Variants in LRP2 observed in about 807,000 individuals in gnomAD.
LRP2 encodes low-density lipoprotein receptor-related protein 2.
A neutral mutation model predicts 531.0 loss-of-function variants in LRP2; 172 were observed. The ratio of observed to expected loss-of-function variants is 0.32; its 90% confidence interval spans 0.29 to 0.37. The LOEUF (loss-of-function observed/expected upper bound fraction) is 0.37, where lower values mean the gene tolerates loss of function less well. Ranked by LOEUF, LRP2 falls within the 10% of genes least tolerant of loss-of-function variation. The pLI is 1.00. For synonymous variants in LRP2, 1,992 were observed against 2,027.6 expected, an observed-to-expected ratio of 0.98 and a Z score of 0.47; for missense variants, 5,167 against 5,868.3, an observed-to-expected ratio of 0.88 and a Z score of 3.90.
At chr2:169,344,011 A>G (rs909328283) in intron 1 of LRP2, among the ~76,000 whole-genome samples, 5 of 152,252 alleles carry the variant, frequency 3.3e-5, no homozygotes, top group Non-Finnish European at 7.3e-5. Context: ...TGAAGAAACC[A>G]TAAATAAACC....
Position 169,142,799 on chromosome 2 carries a change from A to G in LRP2, c.12989-6T>C. 6.2e-7 allele frequency: 1 copy of G among 1,613,832 alleles called. No individual in the cohort carries two copies. Among genetic ancestry groups the G allele is most frequent in the Non-Finnish European group, 8.5e-7 (1 of 1,179,774 alleles). On this transcript the variant is annotated splice_polypyrimidine_tract_variant and splice_region_variant and intron_variant, in intron 70 of 78. Coordinates refer to ENST00000649046, the MANE Select transcript of LRP2 (RefSeq NM_004525.3). ...CTGTTTGCAAAGGTTGGGCACTGGA[A>G]AGCGGGTGAGAACAGCAGTTAGGTC... is the stretch of plus-strand genomic sequence containing the variant.
At chr2:169,308,722 C>A (rs188157280) in intron 3 of LRP2, among the ~76,000 whole-genome samples, 2 of 152,084 alleles carry the variant, frequency 1.3e-5, no homozygotes, top group East Asian at 3.8e-4. Flanking sequence ...ATTTATAATC[C>A]TTTGGGTATA....
chr2:169,135,423 G>A (rs961679199), intron 76 of LRP2, among the ~76,000 whole-genome samples: 6 of 152,242 alleles, frequency 3.9e-5, no homozygotes, highest in East Asian at 1.9e-4. Context: ...AGTCCACTGC[G>A]GTCATTTCTT....
intron 40 of LRP2, 149 bp from the exon 41 acceptor site, chr2:169,205,786 G>C (rs1688356702): frequency 4.2e-6 from 4 of 951,042 alleles, no homozygotes; most frequent in African/African-American, 3.3e-5. Flanking sequence ...GTCCAAAGGA[G>C]ATCTAGTAAG....
rs1362107207 is a variant in LRP2, at chr2:169,212,212, A to G, written c.6041-5T>C. 2 of 1,613,992 alleles carry G rather than the reference A, an allele frequency of 1.2e-6. No homozygotes were observed. The highest frequency in any genetic ancestry group is 4.5e-5 in the East Asian group (2 of 44,892). On this transcript the variant is annotated splice_region_variant and splice_polypyrimidine_tract_variant and intron_variant, in intron 36 of 78. Transcript: ENST00000649046. ...CATTTGAGGATTCGGCGGCATCTAAATGAAAACAAAATCCATTTGTAACTT... is the reference window on the plus strand; with the variant it reads ...CATTTGAGGATTCGGCGGCATCTAAGTGAAAACAAAATCCATTTGTAACTT...
At position 169,151,026 on chromosome 2, in the gene LRP2, C is replaced by T. The variant is rs1207157842; in HGVS notation, c.12462G>A (p.Arg4154=). 5.6e-6 allele frequency: 9 copies of T among 1,613,832 alleles called. No individual in the cohort carries two copies. The highest frequency in any genetic ancestry group is 7.6e-6 in the Non-Finnish European group (9 of 1,179,812). The change falls in exon 68 of 79, where the codon AGG becomes AGA. Residue 4154 remains arginine, a splice_region_variant and synonymous_variant. Coordinates refer to ENST00000649046, the MANE Select transcript of LRP2 (RefSeq NM_004525.3). The part of the protein sequence containing the change: ...PDGIAVDWVG[R]HIYWSDVKNK... ...TCTTGACATCTGACCAGTAAATATG[C>T]CTGAATTCAGAGGGACAAAGTTAAA... is the stretch of plus-strand genomic sequence containing the variant.
chr2:169,360,421 C>A (rs1686118627), intron 1 of LRP2, among the ~76,000 whole-genome samples: 1 of 143,638 alleles, frequency 7.0e-6, no homozygotes, highest in Admixed American at 6.8e-5. Flanking sequence ...TTACTATACA[C>A]ATTATTATTA....
chr2:169,156,383 A>G lies in LRP2; in HGVS notation c.12042T>C (p.Phe4014=). Residue 4014 remains phenylalanine (F), a synonymous_variant, in exon 65 of 79, where the codon TTT becomes TTC. Coordinates refer to ENST00000649046, the MANE Select transcript of LRP2 (RefSeq NM_004525.3). ...TTCTGCAGTGCTGGGGACAAGTCCC[A>G]AATTGTTCACATTCATTGATATCTG... is the stretch of plus-strand genomic sequence containing the variant. The part of the protein sequence containing the change: ...SCLDINECEQ[F]GTCPQHCRNT... The G allele has an allele frequency of 6.2e-7, 1 of 1,613,628 alleles. No individual in the cohort carries two copies. The highest frequency in any genetic ancestry group is 8.5e-7 in the Non-Finnish European group (1 of 1,179,610).
intron 16 of LRP2, among the ~76,000 whole-genome samples, chr2:169,267,302 A>T (rs1238215717): frequency 6.6e-6 from 1 of 152,126 alleles, no homozygotes; most frequent in East Asian, 1.9e-4. Context: ...CAGAGTATAC[A>T]TTCCTCTCAG....
intron 1 of LRP2, among the ~76,000 whole-genome samples, chr2:169,352,534 CA>C (rs1685877326): frequency 6.6e-6 from 1 of 152,254 alleles, no homozygotes; most frequent in South Asian, 2.1e-4. Flanking sequence ...CACACGTTCC[CA>C]AAAATTGGTC....
At chr2:169,169,502 CA>C (rs1686912887) in intron 60 of LRP2, among the ~76,000 whole-genome samples, 199 bp downstream of exon 60, 1 of 152,128 alleles carries the variant, frequency 6.6e-6, no homozygotes, top group African/African-American at 2.4e-5. Context: ...TTTAAAATAG[CA>C]AGGAAGTACA....
chr2:169,134,529 G>A (rs1685420946), intron 76 of LRP2, among the ~76,000 whole-genome samples: 1 of 152,052 alleles, frequency 6.6e-6, no homozygotes, highest in African/African-American at 2.4e-5. Context: ...TTGGTTTACT[G>A]ATAGCAGTTC....
At chr2:169,336,940 A>C (rs1451150641) in intron 1 of LRP2, among the ~76,000 whole-genome samples, 1 of 152,194 alleles carries the variant, frequency 6.6e-6, no homozygotes, top group East Asian at 1.9e-4. Context: ...TTGGTGGGTA[A>C]GGTTACAAAG....
intron 1 of LRP2, among the ~76,000 whole-genome samples, chr2:169,327,130 A>G: frequency 7.8e-6 from 1 of 127,486 alleles, no homozygotes; most frequent in Non-Finnish European, 1.7e-5. Flanking sequence ...TCCGGGAGGG[A>G]GGTGGGGGGG....
chr2:169,295,437 C>T (rs1263193105), intron 4 of LRP2, among the ~76,000 whole-genome samples: 1 of 152,202 alleles, frequency 6.6e-6, no homozygotes, highest in Non-Finnish European at 1.5e-5. Flanking sequence ...CTCACTGGAC[C>T]TGGTTTTCTA....
chr2:169,186,027 T>C lies in LRP2; in HGVS notation c.9329-8A>G, dbSNP rs1262606774. 8 of 1,612,298 alleles carry C rather than the reference T, an allele frequency of 5.0e-6. No individual in the cohort carries two copies. The East Asian group carries it at 8.9e-5, about 18-fold the overall frequency. On this transcript the variant is annotated splice_region_variant and splice_polypyrimidine_tract_variant and intron_variant, in intron 49 of 78. Coordinates refer to ENST00000649046, the MANE Select transcript of LRP2 (RefSeq NM_004525.3). ...CATGGCATTCATTAATGCCTGTAGG[T>C]AAAAAGCAGTTCTTAGAGATCCTAA... is the stretch of plus-strand genomic sequence containing the variant.
chr2:169,361,328 CTGTCTCTCTCTGTCTCTCTCTG>C (rs1686144151), intron 1 of LRP2, among the ~76,000 whole-genome samples: 2 of 55,100 alleles, frequency 3.6e-5, no homozygotes, highest in African/African-American at 1.5e-4. Flanking sequence ...CTGTCTCTCT[CTGTCTCTCTCTGTCTCTCTCTG>C]TCTCTCTCTC....
chr2:169,164,495 CA>C (rs1441698003), intron 62 of LRP2, among the ~76,000 whole-genome samples: 1 of 152,194 alleles, frequency 6.6e-6, no homozygotes, highest in African/African-American at 2.4e-5. Context: ...ACAGTTAGAG[CA>C]GGGCCACGTG....
At chr2:169,188,674 G>A (rs554263227) in intron 48 of LRP2, among the ~76,000 whole-genome samples, 1 of 152,154 alleles carries the variant, frequency 6.6e-6, no homozygotes, top group East Asian at 1.9e-4. Flanking sequence ...ATGAACAGTG[G>A]CACTATCTAT....
Sources: allele counts gnomAD v4.1 joint callset (sites outside exome capture counted in the v4.1 genomes callset), GRCh38; gene constraint gnomAD v4.1.1; transcripts MANE v1.5; gene names NCBI Gene and HGNC (gene_info 2026-07-23, HGNC 2026-07-21).